EXT2: variants seen among roughly 807,000 people sequenced by gnomAD.
The protein encoded by EXT2 is exostosin-2.
Under a neutral mutation model 81.6 loss-of-function variants are expected in EXT2, and 53 were observed. That is an observed-to-expected ratio of 0.65 (90% CI 0.52 to 0.82). The LOEUF (loss-of-function observed/expected upper bound fraction) is 0.82, where lower values mean the gene tolerates loss of function less well. Ranked by LOEUF, EXT2 falls within the 40% of genes least tolerant of loss-of-function variation. EXT2 has a pLI of 0.00. For missense variants in EXT2, 774 were observed against 910.2 expected, an observed-to-expected ratio of 0.85 and a Z score of 1.93; for synonymous variants, 320 against 340.0, an observed-to-expected ratio of 0.94 and a Z score of 0.65.
intron 10 of EXT2, among the ~76,000 whole-genome samples, chr11:44,210,625 G>A (rs368674201): frequency 6.0e-4 from 91 of 152,146 alleles, no homozygotes; most frequent in African/African-American, 2.0e-3. Context: ...GCCAAAACAT[G>A]TCAAATTATA....
chr11:44,146,749 G>A (rs948058428), intron 7 of EXT2, among the ~76,000 whole-genome samples: 6 of 152,156 alleles, frequency 3.9e-5, no homozygotes, highest in African/African-American at 1.4e-4. Context: ...TGGTATCAAT[G>A]GAAAGATTCT....
chr11:44,246,588 A>G lies in EXT2; in HGVS notation c.*2301A>G, dbSNP rs1956095573. Among the ~76,000 whole-genome samples, 1 of 152,190 alleles carries G rather than the reference A, an allele frequency of 6.6e-6. No individual in the cohort carries two copies. Among genetic ancestry groups the G allele is most frequent in the Non-Finnish European group, 1.5e-5 (1 of 68,038 alleles). ...AGATCTTGCAACACAGCATAAAACA[A>G]TTTATGTTAAAGAAGGAGCATTATA... On this transcript the variant is annotated 3_prime_UTR_variant, in exon 14 of 14. Transcript: ENST00000533608.
intron 13 of EXT2, among the ~76,000 whole-genome samples, chr11:44,237,893 G>A (rs1175277523): frequency 7.5e-5 from 9 of 120,782 alleles, no homozygotes; most frequent in East Asian, 2.4e-4. Flanking sequence ...GTGAAACCCC[G>A]TCTCTACTTA....
chr11:44,108,241 C>G lies in EXT2; in HGVS notation c.529C>G (p.Leu177Val). 1 of 1,612,082 alleles carries G rather than the reference C, an allele frequency of 6.2e-7. No homozygotes were observed. The highest frequency in any genetic ancestry group is 8.5e-7 in the Non-Finnish European group (1 of 1,179,992). Residue 177 changes from leucine to valine, a missense_variant, in exon 2 of 14, where the codon CTC becomes GTC. Leu to Val is a conservative substitution (Grantham distance 32). This residue lies in a region of EXT2 where 626 missense variants were observed against 670.5 expected (regional missense o/e 0.93). Transcript: ENST00000533608. ...IKETAQAMAQ[L>V]SRWDRGTNHL... The stretch of plus-strand genomic sequence containing the variant: ...GGAGACAGCACAAGCGATGGCCCAG[C>G]TCTCTAGGTATCTCACACTCATACA...
chr11:44,157,249 A>G lies in EXT2; in HGVS notation c.1174-14362A>G, dbSNP rs1333648747. On this transcript the variant is annotated intron_variant, in intron 7 of 13. Coordinates refer to ENST00000533608, the MANE Select transcript of EXT2 (RefSeq NM_207122.2). The stretch of plus-strand genomic sequence containing the variant: ...CGCTGCCTGGCTGCTTCTGATGTTC[A>G]CTTAGGCTCCAGGGGCTCTTCAGTC... Among the ~76,000 whole-genome samples, 4 of 152,110 alleles carry G rather than the reference A, an allele frequency of 2.6e-5. No individual in the cohort carries two copies. In the South Asian group the frequency reaches 8.3e-4, roughly 32 times the overall value.
intron 7 of EXT2, among the ~76,000 whole-genome samples, chr11:44,140,191 T>C (rs1415349214): frequency 6.6e-6 from 1 of 152,214 alleles, no homozygotes; most frequent in East Asian, 1.9e-4. Flanking sequence ...AGGTTTGCAA[T>C]GAATTTTTTC....
At chr11:44,179,755 T>C (rs1400157761) in intron 8 of EXT2, among the ~76,000 whole-genome samples, 3 of 152,238 alleles carry the variant, frequency 2.0e-5, no homozygotes, top group African/African-American at 7.2e-5. Flanking sequence ...TCCCAATTGA[T>C]TAATATTTGA....
intron 9 of EXT2, among the ~76,000 whole-genome samples, chr11:44,198,549 G>A (rs1955486430): frequency 6.6e-6 from 1 of 152,178 alleles, no homozygotes; most frequent in Admixed American, 6.5e-5. Flanking sequence ...GTAATCTGCT[G>A]GCTGGCAGCT....
chr11:44,203,850 A>C (rs956427175), intron 9 of EXT2, among the ~76,000 whole-genome samples: 1 of 152,222 alleles, frequency 6.6e-6, no homozygotes, highest in Non-Finnish European at 1.5e-5. Flanking sequence ...GTACTGACAC[A>C]GTGTGACGCC....
At position 44,109,272 on chromosome 11, in the gene EXT2, C is replaced by T; in HGVS notation, c.615C>T (p.Val205=). ...CAGATTATAACACAGCCCTGGATGT[C>T]CCCAGAGACAGGTAGGAGGCATATT... The part of the protein sequence containing the change: ...GPPDYNTALD[V]PRDRALLAGG... The change falls in exon 3 of 14, where the codon GTC becomes GTT. Residue 205 remains valine (V), a synonymous_variant. Transcript: ENST00000533608. 2 of 1,613,976 alleles carry T rather than the reference C, an allele frequency of 1.2e-6. No individual in the cohort carries two copies. Among genetic ancestry groups the T allele is most frequent in the Non-Finnish European group, 1.7e-6 (2 of 1,179,898 alleles).
chr11:44,238,837 C>T (rs1956001395), intron 13 of EXT2, among the ~76,000 whole-genome samples: 1 of 152,130 alleles, frequency 6.6e-6, no homozygotes, highest in African/African-American at 2.4e-5. Flanking sequence ...AGAAGAAGCC[C>T]AATTTGGAGA....
At chr11:44,102,174 T>C (rs575858106) in intron 1 of EXT2, among the ~76,000 whole-genome samples, 8 of 152,280 alleles carry the variant, frequency 5.3e-5, no homozygotes, top group Middle Eastern at 3.4e-3. Context: ...ACTGCAGATC[T>C]TTATCAGAAT....
chr11:44,117,217 C>T (rs1339078585), intron 4 of EXT2, among the ~76,000 whole-genome samples: 1 of 152,176 alleles, frequency 6.6e-6, no homozygotes, highest in Non-Finnish European at 1.5e-5. Context: ...GATCCACCCA[C>T]CTTGGCCTCC....
rs141035971 is a variant in EXT2 at position 44,126,898 on chromosome 11, C to T, written c.1022C>T (p.Pro341Leu). Residue 341 changes from proline to leucine, a missense_variant, in exon 6 of 14, where the codon CCG becomes CTG. Coordinates refer to ENST00000533608, the MANE Select transcript of EXT2 (RefSeq NM_207122.2). ...LSDVLQAGCV[P>L]VVIADSYILP... is the part of the protein sequence containing the mutation. ...GATGTGTTACAAGCTGGCTGTGTCC[C>T]GGTTGTCATTGCAGACTCCTATATT... 7.6e-4 allele frequency: 1,232 copies of T among 1,614,022 alleles called. 2 individuals are homozygous for T. The highest frequency in any genetic ancestry group is 9.6e-4 in the Non-Finnish European group (1,134 of 1,180,036).
intron 8 of EXT2, among the ~76,000 whole-genome samples, chr11:44,187,367 G>C (rs1379723607): frequency 6.6e-6 from 1 of 151,590 alleles, no homozygotes; most frequent in Non-Finnish European, 1.5e-5. Context: ...GTAGTGACAG[G>C]GTCTTACTAT....
rs1312233114 is a variant in EXT2, at chr11:44,248,371, C to G, written c.*4084C>G. ...CTTTGAAAGCAACTTGAGCTTTCCA[C>G]TGCAGGGCCTGGAGGCATATGAAAC... On this transcript the variant is annotated 3_prime_UTR_variant, in exon 14 of 14. Coordinates refer to ENST00000533608, the MANE Select transcript of EXT2 (RefSeq NM_207122.2). Among the ~76,000 whole-genome samples, 3 of 152,218 alleles carry G rather than the reference C, an allele frequency of 2.0e-5. No homozygotes were observed. Among genetic ancestry groups the G allele is most frequent in the Non-Finnish European group, 4.4e-5 (3 of 68,044 alleles).
intron 7 of EXT2, among the ~76,000 whole-genome samples, chr11:44,155,263 T>G (rs139042577): frequency 0.011 from 1,731 of 152,240 alleles, 41 homozygotes; most frequent in African/African-American, 0.04. Context: ...TCCATTTTGA[T>G]TTGATTTTTG....
intron 1 of EXT2, among the ~76,000 whole-genome samples, chr11:44,100,881 TAGAGGTATGC>T (rs1953971725): frequency 6.6e-6 from 1 of 152,100 alleles, no homozygotes. Flanking sequence ...CTTGGGCCAG[TAGAGGTATGC>T]ACCTCTCTGA....
intron 13 of EXT2, among the ~76,000 whole-genome samples, chr11:44,240,602 A>C (rs2135276825): frequency 6.6e-6 from 1 of 152,356 alleles, no homozygotes; most frequent in East Asian, 1.9e-4. Context: ...TAGAGTATGA[A>C]GCCAAAGGGT....
Sources: gnomAD v4.1 joint callset for allele counts (sites outside exome capture counted in the v4.1 genomes callset) on GRCh38, gnomAD v4.1.1 for gene constraint, gnomAD v4.1.1 regional missense constraint, MANE v1.5 for transcripts, NCBI Gene and HGNC (gene_info 2026-07-23, HGNC 2026-07-21) for gene names.